The following DOCK7 variants were observed in gnomAD, a reference collection of about 807,000 sequenced individuals.
The protein encoded by DOCK7 is dedicator of cytokinesis protein 7.
DOCK7 carries 138 observed loss-of-function variants against 271.0 expected under a neutral mutation model. That is an observed-to-expected ratio of 0.51 (90% CI 0.44 to 0.59). The LOEUF is 0.59. Ranked by LOEUF, DOCK7 falls within the 20% of genes least tolerant of loss-of-function variation. DOCK7 has a pLI of 0.00. For synonymous variants in DOCK7, 823 were observed against 876.1 expected, an observed-to-expected ratio of 0.94 and a Z score of 1.07; for missense variants, 2,066 against 2,592.4, an observed-to-expected ratio of 0.80 and a Z score of 4.41.
At chr1:62,683,381 TTAA>T (rs1661383958) in intron 1 of DOCK7, among the ~76,000 whole-genome samples, 1 of 152,144 alleles carries the variant, frequency 6.6e-6, no homozygotes, top group South Asian at 2.1e-4. Context: ...CTGCCCAGAG[TTAA>T]TAACACATAC....
chr1:62,653,617 A>G, intron 4 of DOCK7, 108 bp downstream of exon 4: 1 of 708,724 alleles, frequency 1.4e-6, no homozygotes. Flanking sequence ...TTCTTCAGCT[A>G]TTTTGTTTAA....
chr1:62,590,911 C>T (rs1056041436), intron 14 of DOCK7, among the ~76,000 whole-genome samples: 9 of 152,244 alleles, frequency 5.9e-5, no homozygotes, highest in African/African-American at 2.2e-4. Flanking sequence ...TTAGTTTAAC[C>T]ACTGTAGAAA....
In DOCK7 at chr1:62,510,569, T is replaced by C. The variant is rs1366175584; in HGVS notation, c.4379+8A>G. On this transcript the variant is annotated splice_region_variant and intron_variant, in intron 34 of 49. Coordinates refer to ENST00000635253, the MANE Select transcript of DOCK7 (RefSeq NM_001367561.1). ...CCATCAGTAACATAAAATAGAAAGC[T>C]GTATTACTTGTCAAGCTTCTCTGTG... 3.1e-6 allele frequency: 5 copies of C among 1,608,116 alleles called. No individual in the cohort carries two copies. Among genetic ancestry groups the C allele is most frequent in the Non-Finnish European group, 4.3e-6 (5 of 1,176,404 alleles).
At chr1:62,607,442 C>T (rs4915846) in intron 14 of DOCK7, among the ~76,000 whole-genome samples, 7,555 of 152,224 alleles carry the variant, frequency 0.05, 240 homozygotes, top group Middle Eastern at 0.12. Context: ...TCTCTTGAAA[C>T]GTCTCTTAAT....
chr1:62,582,024 G>A (rs1005402635), intron 16 of DOCK7, among the ~76,000 whole-genome samples: 4 of 152,046 alleles, frequency 2.6e-5, no homozygotes, highest in African/African-American at 7.2e-5. Flanking sequence ...TGAAAGCAGA[G>A]GTGAAAAGAT....
chr1:62,608,393 A>G (rs1026341077), intron 14 of DOCK7: 1 of 151,944 alleles, frequency 6.6e-6, no homozygotes, highest in African/African-American at 2.4e-5. Context: ...AATGTATTCC[A>G]TTTGTCTAGA....
chr1:62,550,489 T>C (rs2149416708), intron 22 of DOCK7, among the ~76,000 whole-genome samples: 1 of 152,168 alleles, frequency 6.6e-6, no homozygotes, highest in South Asian at 2.1e-4. Context: ...AATTAAATCA[T>C]TTCCTGGGAG....
At chr1:62,488,344 G>A (rs546980921) in intron 42 of DOCK7, 1 of 152,682 alleles carries the variant, frequency 6.5e-6, no homozygotes, top group Admixed American at 6.5e-5. Flanking sequence ...GTGATAATAT[G>A]TAGATTCCAT....
chr1:62,511,763 AAAAC>A (rs1417114997), intron 33 of DOCK7, among the ~76,000 whole-genome samples: 1 of 151,964 alleles, frequency 6.6e-6, no homozygotes, highest in Non-Finnish European at 1.5e-5. Context: ...TTTATGGAAA[AAAAC>A]AAAAAGATAT....
chr1:62,615,531 G>A (rs1205931830), intron 14 of DOCK7, among the ~76,000 whole-genome samples: 4 of 151,724 alleles, frequency 2.6e-5, no homozygotes, highest in African/African-American at 7.2e-5. Flanking sequence ...ATAAGGTTAT[G>A]TAAAGCCCTA....
intron 18 of DOCK7, among the ~76,000 whole-genome samples, chr1:62,574,724 A>G (rs562082012): frequency 1.3e-5 from 2 of 151,786 alleles, no homozygotes; most frequent in South Asian, 4.2e-4. Context: ...ACATAGAAAT[A>G]TTTTTTTTCT....
chr1:62,618,821 A>C lies in DOCK7; in HGVS notation c.1567T>G (p.Cys523Gly). The C allele has an allele frequency of 6.2e-7, 1 of 1,613,850 alleles. No homozygotes were observed. Among genetic ancestry groups the C allele is most frequent in the Non-Finnish European group, 8.5e-7 (1 of 1,179,798 alleles). ...ACTTGAAGCAGCTCCGGAGTTAGGC[A>C]ATAATGGGGATTTTCAGGTGCGGGA... is the stretch of plus-strand genomic sequence containing the variant. ...ISPAPENPHY[C>G]LTPELLQVKL... The change falls in exon 14 of 50, where the codon TGC (cysteine) becomes GGC (glycine). Residue 523 changes from cysteine (C) to glycine (G), a missense_variant. Around this residue, in one of 2 missense-constraint regions of DOCK7, gnomAD observed 1,414 missense variants for 1,670.4 expected, o/e 0.85. Transcript: ENST00000635253.
rs367883785 is a variant in DOCK7 at position 62,550,651 on chromosome 1, T to C, written c.2766+2081A>G. ...ATGCTGACATGGCACAGGCAGTCAA[T>C]TGGGTTTAACTATGGTTTCAAGGTT... On this transcript the variant is annotated intron_variant, in intron 22 of 49. Coordinates refer to ENST00000635253, the MANE Select transcript of DOCK7 (RefSeq NM_001367561.1). Among the ~76,000 whole-genome samples the C allele has an allele frequency of 4.6e-4, 70 of 152,084 alleles. 1 individual carries two copies. In the South Asian group the frequency reaches 0.013, roughly 29 times the overall value.
intron 18 of DOCK7, among the ~76,000 whole-genome samples, chr1:62,569,984 GATTA>G (rs1326824425): frequency 2.0e-5 from 3 of 152,258 alleles, no homozygotes; most frequent in African/African-American, 7.2e-5. Flanking sequence ...AAAGTGCTGG[GATTA>G]TAGGCATGGG....
chr1:62,505,878 CAGGCCTCCCTATGTATAAATAA>C (rs1646922053), intron 35 of DOCK7, 62 bp from the exon 36 acceptor site: 4 of 1,531,956 alleles, frequency 2.6e-6, no homozygotes, highest in Admixed American at 2.0e-5. Flanking sequence ...ATGGATGTTA[CAGGCCTCCCTATGTATAAATAA>C]AGGCCTCCCT....
chr1:62,597,538 G>A (rs775532151), intron 14 of DOCK7: 16 of 1,610,838 alleles, frequency 9.9e-6, no homozygotes, highest in Middle Eastern at 1.6e-4. Flanking sequence ...ACAGTTCCAC[G>A]TTGCTTGAAA....
rs1324015168 is a variant in DOCK7, at chr1:62,663,110, C to G, written c.59G>C (p.Arg20Thr). ...ACTATATTGTCCGGAGATCTGCTTC[C>G]TAACTTCGGCTGCCACCGTTCTACA... is the stretch of plus-strand genomic sequence containing the variant. Reference protein sequence around the residue: ...KISRTVAAEVRKQISGQYSGS... With the variant: ...KISRTVAAEVTKQISGQYSGS... The change falls in exon 2 of 50, where the codon AGG (arginine) becomes ACG (threonine). Residue 20 changes from arginine to threonine, a missense_variant. Around this residue, in one of 2 missense-constraint regions of DOCK7, gnomAD observed 1,414 missense variants for 1,670.4 expected, o/e 0.85. Coordinates refer to ENST00000635253, the MANE Select transcript of DOCK7 (RefSeq NM_001367561.1). 2 of 1,612,016 alleles carry G rather than the reference C, an allele frequency of 1.2e-6. No individual in the cohort carries two copies. The highest frequency in any genetic ancestry group is 1.7e-6 in the Non-Finnish European group (2 of 1,179,112).
chr1:62,579,127 T>C lies in DOCK7; in HGVS notation c.1872-161A>G, dbSNP rs145011052. Among the ~76,000 whole-genome samples the C allele has an allele frequency of 2.0e-5, 3 of 152,306 alleles. No individual in the cohort carries two copies. In the East Asian group the frequency reaches 5.8e-4, roughly 29 times the overall value. On this transcript the variant is annotated intron_variant, in intron 16 of 49. Transcript: ENST00000635253. ...CCCCAATCTCTAAATAACTAAATCT[T>C]ACTTCCATATAAGAGAGCTGCCACT...
chr1:62,503,097 T>C (rs893999044), intron 37 of DOCK7, among the ~76,000 whole-genome samples: 1 of 152,068 alleles, frequency 6.6e-6, no homozygotes, highest in Non-Finnish European at 1.5e-5. Flanking sequence ...GGAGAAAAAC[T>C]CTTAAGAAGA....
Sources: gnomAD v4.1 joint callset for allele counts (sites outside exome capture counted in the v4.1 genomes callset) on GRCh38, gnomAD v4.1.1 for gene constraint, gnomAD v4.1.1 regional missense constraint, MANE v1.5 for transcripts, NCBI Gene and HGNC (gene_info 2026-07-23, HGNC 2026-07-21) for gene names.